Variants in RIMS2 observed in about 807,000 individuals in gnomAD.
RIMS2 encodes the protein regulating synaptic membrane exocytosis 2, also known as regulating synaptic membrane exocytosis protein 2.
Under a neutral mutation model 174.4 loss-of-function variants are expected in RIMS2, and 59 were observed. The ratio of observed to expected loss-of-function variants is 0.34; its 90% CI spans 0.27 to 0.42. RIMS2 has a LOEUF of 0.42. Among genes scored for constraint, RIMS2 ranks in the 10% least tolerant of loss-of-function variants. RIMS2 has a pLI of 1.00. For synonymous variants in RIMS2, 606 were observed against 572.5 expected, an observed-to-expected ratio of 1.06 and a Z score of -0.84; for missense variants, 1,620 against 1,666.3, an observed-to-expected ratio of 0.97 and a Z score of 0.48.
chr8:103,795,837 A>T (rs1456926799), intron 3 of RIMS2, among the ~76,000 whole-genome samples: 4 of 152,154 alleles, frequency 2.6e-5, no homozygotes, highest in Non-Finnish European at 5.9e-5. Flanking sequence ...GAGATTTCCA[A>T]GTACTAGACT....
intron 2 of RIMS2, among the ~76,000 whole-genome samples, chr8:103,750,250 C>G (rs2097868976): frequency 6.6e-6 from 1 of 151,982 alleles, no homozygotes; most frequent in Non-Finnish European, 1.5e-5. Context: ...CAAAAAGTAT[C>G]ATAATTCCCC....
chr8:104,102,086 T>G (rs2097913889), intron 19 of RIMS2, among the ~76,000 whole-genome samples: 1 of 152,190 alleles, frequency 6.6e-6, no homozygotes, highest in East Asian at 1.9e-4. Flanking sequence ...ATGTATGTAT[T>G]GATAACTTCC....
intron 9 of RIMS2, among the ~76,000 whole-genome samples, chr8:103,920,170 A>G (rs1212358506): frequency 6.6e-6 from 1 of 152,112 alleles, no homozygotes; most frequent in Non-Finnish European, 1.5e-5. Context: ...TTTATTCTTT[A>G]AACATTGAGT....
chr8:103,986,819 G>A (rs1244923171), intron 16 of RIMS2, among the ~76,000 whole-genome samples: 2 of 151,334 alleles, frequency 1.3e-5, no homozygotes, highest in African/African-American at 4.9e-5. Context: ...GTTGCAGTGA[G>A]CCGAGATCCT....
intron 19 of RIMS2, among the ~76,000 whole-genome samples, chr8:104,153,913 C>T (rs567385403): frequency 6.6e-6 from 1 of 152,244 alleles, no homozygotes; most frequent in Admixed American, 6.5e-5. Flanking sequence ...GATAATTTAC[C>T]ATTGAATTTG....
intron 4 of RIMS2, among the ~76,000 whole-genome samples, chr8:103,904,529 A>G (rs1565219770): frequency 6.6e-6 from 1 of 152,008 alleles, no homozygotes; most frequent in Non-Finnish European, 1.5e-5. Context: ...CATTTTCTAC[A>G]TCAGCGCTCA....
intron 19 of RIMS2, among the ~76,000 whole-genome samples, chr8:104,088,655 G>A (rs147190143): frequency 4.4e-4 from 67 of 152,060 alleles, no homozygotes; most frequent in African/African-American, 1.5e-3. Flanking sequence ...TGATATTTAA[G>A]GAAGTTCATA....
chr8:104,152,130 T>G (rs1702174293), intron 19 of RIMS2, among the ~76,000 whole-genome samples: 1 of 152,224 alleles, frequency 6.6e-6, no homozygotes, highest in Non-Finnish European at 1.5e-5. Flanking sequence ...TTTTCATGTA[T>G]GAGTAGTTAT....
chr8:103,599,498 G>T (rs796600812), intron 1 of RIMS2, among the ~76,000 whole-genome samples: 22 of 151,050 alleles, frequency 1.5e-4, no homozygotes, highest in African/African-American at 4.9e-4. Context: ...TCATGCAGGG[G>T]TGTGATCTCT....
At chr8:103,961,519 G>A (rs1431020749) in intron 15 of RIMS2, among the ~76,000 whole-genome samples, 1 of 152,062 alleles carries the variant, frequency 6.6e-6, no homozygotes, top group Non-Finnish European at 1.5e-5. Context: ...TTAAATGGGA[G>A]TTTTTGAAAC....
exon 19 of RIMS2, chr8:104,014,610 A>T: frequency 1.9e-6 from 3 of 1,600,116 alleles, no homozygotes; most frequent in Non-Finnish European, 2.6e-6. Context: ...GGAACGTTGG[A>T]TAGAAGTAAG....
At chr8:103,518,724 C>T (rs892109231) in intron 1 of RIMS2, among the ~76,000 whole-genome samples, 6 of 151,904 alleles carry the variant, frequency 3.9e-5, no homozygotes, top group African/African-American at 1.5e-4. Context: ...GTGATAGGGC[C>T]TGTTATGATA....
chr8:103,743,469 C>A (rs1015679363), intron 2 of RIMS2, among the ~76,000 whole-genome samples: 1 of 152,090 alleles, frequency 6.6e-6, no homozygotes, highest in Non-Finnish European at 1.5e-5. Context: ...GATAAAAAAA[C>A]CGCATTATAG....
chr8:103,823,735 T>A (rs1455894464), intron 3 of RIMS2, among the ~76,000 whole-genome samples: 2 of 152,000 alleles, frequency 1.3e-5, no homozygotes, highest in Non-Finnish European at 2.9e-5. Flanking sequence ...GGTACGTTAA[T>A]GACTACTTTG....
chr8:103,714,883 T>A (rs953425395), intron 2 of RIMS2, among the ~76,000 whole-genome samples: 1 of 152,022 alleles, frequency 6.6e-6, no homozygotes, highest in Non-Finnish European at 1.5e-5. Flanking sequence ...TGGTATAAAA[T>A]TTTTTTAGAT....
At chr8:103,718,761 G>C (rs537316736) in intron 2 of RIMS2, among the ~76,000 whole-genome samples, 1 of 151,996 alleles carries the variant, frequency 6.6e-6, no homozygotes, top group South Asian at 2.1e-4. Context: ...TCCACCTCCC[G>C]AGTTCAAGTG....
At chr8:103,907,791 G>C (rs985308905) in intron 4 of RIMS2, among the ~76,000 whole-genome samples, 4 of 151,172 alleles carry the variant, frequency 2.6e-5, no homozygotes, top group Admixed American at 2.6e-4. Flanking sequence ...TGTCGCCCAG[G>C]CTGGAGTGCA....
intron 17 of RIMS2, among the ~76,000 whole-genome samples, chr8:103,989,857 C>T (rs891610308): frequency 2.0e-5 from 3 of 152,098 alleles, no homozygotes; most frequent in Non-Finnish European, 2.9e-5. Flanking sequence ...AGTATTGAGA[C>T]GGAGTCTGAT....
intron 19 of RIMS2, among the ~76,000 whole-genome samples, chr8:104,100,946 A>G (rs1214761601): frequency 2.0e-5 from 2 of 99,878 alleles, no homozygotes; most frequent in East Asian, 3.7e-4. Context: ...TATATATTAT[A>G]TAGTATATAT....
Sources: gnomAD v4.1 joint callset for allele counts (sites outside exome capture counted in the v4.1 genomes callset) on GRCh38, gnomAD v4.1.1 for gene constraint, MANE v1.5 for transcripts, NCBI Gene and HGNC (gene_info 2026-07-23, HGNC 2026-07-21) for gene names.